Variants in NRXN3 observed in about 807,000 individuals in gnomAD.
The protein encoded by NRXN3 is neurexin III.
In NRXN3, 32 loss-of-function variants were observed where a neutral mutation model predicts 137.6. The ratio of observed to expected loss-of-function variants is 0.23; its 90% CI spans 0.18 to 0.31. NRXN3 has a LOEUF of 0.31. Ranked by LOEUF, NRXN3 falls within the 10% of genes least tolerant of loss-of-function variation. The probability of loss-of-function intolerance (pLI) is 1.00; values close to 1 mark genes in which losing one functional copy is unlikely to be tolerated. For synonymous variants in NRXN3, 798 were observed against 784.5 expected, an observed-to-expected ratio of 1.02 and a Z score of -0.29; for missense variants, 1,574 against 2,062.5, an observed-to-expected ratio of 0.76 and a Z score of 4.59.
intron 10 of NRXN3, among the ~76,000 whole-genome samples, chr14:78,870,780 T>A (rs975914789): frequency 2.6e-5 from 4 of 152,002 alleles, no homozygotes; most frequent in Admixed American, 1.3e-4. Context: ...ATTGAGAGTA[T>A]GCAATATTTG....
chr14:79,808,487 T>C (rs1054110806), intron 20 of NRXN3, among the ~76,000 whole-genome samples: 1 of 152,038 alleles, frequency 6.6e-6, no homozygotes, highest in African/African-American at 2.4e-5. Flanking sequence ...AATTCTGGTT[T>C]TGAACACCCT....
chr14:78,409,701 C>A (rs531515973), intron 4 of NRXN3, among the ~76,000 whole-genome samples: 1 of 152,308 alleles, frequency 6.6e-6, no homozygotes, highest in African/African-American at 2.4e-5. Context: ...AATGCAATGG[C>A]AGGCACACAC....
At chr14:79,159,964 C>T (rs918045199) in intron 15 of NRXN3, among the ~76,000 whole-genome samples, 2 of 151,946 alleles carry the variant, frequency 1.3e-5, no homozygotes, top group Middle Eastern at 3.4e-3. Context: ...TGCTAAATCT[C>T]AATGGAAATT....
At position 78,955,165 on chromosome 14, in the gene NRXN3, C is replaced by G. The variant is rs546702033; in HGVS notation, c.2276-2077C>G. ...AGCTAATATTCTCCACGTCTTTCTT[C>G]ACTTTTTTCTTTCTTATTGAAGCAT... On this transcript the variant is annotated intron_variant, in intron 10 of 20. Coordinates refer to ENST00000335750, the MANE Select transcript of NRXN3 (RefSeq NM_001330195.2). Among the ~76,000 whole-genome samples, 56 of 152,284 alleles carry G rather than the reference C, an allele frequency of 3.7e-4. 2 individuals carry two copies. In the South Asian group the frequency reaches 0.011, roughly 29 times the overall value.
intron 19 of NRXN3, among the ~76,000 whole-genome samples, chr14:79,698,861 A>G (rs1209734045): frequency 6.6e-6 from 1 of 152,040 alleles, no homozygotes; most frequent in Non-Finnish European, 1.5e-5. Context: ...TGTGTCTTTA[A>G]CATCACCTTT....
intron 15 of NRXN3, among the ~76,000 whole-genome samples, chr14:79,241,207 T>A (rs1333631938): frequency 6.6e-6 from 1 of 152,108 alleles, no homozygotes; most frequent in Non-Finnish European, 1.5e-5. Context: ...CTAGGAAAGA[T>A]CAAGAAAGAC....
chr14:78,523,508 A>G (rs555968300), intron 4 of NRXN3, among the ~76,000 whole-genome samples: 1 of 152,210 alleles, frequency 6.6e-6, no homozygotes, highest in South Asian at 2.1e-4. Flanking sequence ...AAAGAATACA[A>G]GAGAGTGTAG....
At chr14:78,849,152 T>C (rs1285040940) in intron 10 of NRXN3, among the ~76,000 whole-genome samples, 1 of 152,176 alleles carries the variant, frequency 6.6e-6, no homozygotes, top group Non-Finnish European at 1.5e-5. Context: ...GGAGTGGGTC[T>C]GTATTCAAAT....
At chr14:79,305,625 G>GT (rs563520155) in intron 15 of NRXN3, among the ~76,000 whole-genome samples, 5 of 152,070 alleles carry the variant, frequency 3.3e-5, no homozygotes, top group African/African-American at 9.7e-5. Flanking sequence ...CCGGGGATTA[G>GT]TTTTTTTCCT....
chr14:78,682,606 A>G (rs925198338), intron 6 of NRXN3, among the ~76,000 whole-genome samples: 1 of 151,682 alleles, frequency 6.6e-6, no homozygotes, highest in African/African-American at 2.4e-5. Context: ...CATTTACTAT[A>G]TGCTAAACAG....
chr14:79,573,498 G>T (rs185601738), intron 16 of NRXN3, among the ~76,000 whole-genome samples: 6 of 152,114 alleles, frequency 3.9e-5, no homozygotes, highest in African/African-American at 1.4e-4. Flanking sequence ...CTGTCAATTT[G>T]TGGAAGTTAG....
intron 6 of NRXN3, chr14:78,697,744 A>G (rs956596708): frequency 6.6e-6 from 1 of 152,028 alleles, no homozygotes; most frequent in East Asian, 1.9e-4. Flanking sequence ...TAATTCGAGT[A>G]CCAGCATTTC....
At chr14:79,086,026 A>G (rs1472935666) in intron 15 of NRXN3, among the ~76,000 whole-genome samples, 1 of 152,206 alleles carries the variant, frequency 6.6e-6, no homozygotes, top group East Asian at 1.9e-4. Flanking sequence ...GAACAGGTGC[A>G]AAAGCTGCAG....
chr14:78,564,025 A>AG (rs1459008172), intron 4 of NRXN3, among the ~76,000 whole-genome samples: 4 of 152,210 alleles, frequency 2.6e-5, no homozygotes, highest in Admixed American at 1.3e-4. Flanking sequence ...TATCTCCTGT[A>AG]GCACATTTCA....
chr14:78,804,713 C>A (rs997231459), intron 9 of NRXN3, among the ~76,000 whole-genome samples: 3 of 152,042 alleles, frequency 2.0e-5, no homozygotes, highest in Non-Finnish European at 2.9e-5. Context: ...TGCTATTGAC[C>A]TTTACTGAAT....
At chr14:79,185,697 C>T (rs543105556) in intron 15 of NRXN3, among the ~76,000 whole-genome samples, 109 of 152,208 alleles carry the variant, frequency 7.2e-4, no homozygotes, top group Middle Eastern at 3.4e-3. Context: ...GATCTCCTGA[C>T]CTCGTGATCC....
At chr14:79,194,234 C>T (rs1418182413) in intron 15 of NRXN3, among the ~76,000 whole-genome samples, 1 of 152,282 alleles carries the variant, frequency 6.6e-6, no homozygotes, top group Middle Eastern at 3.4e-3. Flanking sequence ...TCAGTGATTG[C>T]TCAGGTTATT....
chr14:79,653,281 G>A (rs535399506), intron 16 of NRXN3, among the ~76,000 whole-genome samples: 24 of 152,210 alleles, frequency 1.6e-4, no homozygotes, highest in African/African-American at 5.3e-4. Flanking sequence ...GAGCCCTGGA[G>A]ACTGAGATAT....
chr14:79,657,658 A>G (rs1013928083), intron 16 of NRXN3, among the ~76,000 whole-genome samples: 6 of 152,190 alleles, frequency 3.9e-5, no homozygotes, highest in Non-Finnish European at 8.8e-5. Flanking sequence ...ATAGCCACAA[A>G]AAGAGCGCAA....
Sources: allele counts gnomAD v4.1 joint callset (sites outside exome capture counted in the v4.1 genomes callset), GRCh38; gene constraint gnomAD v4.1.1; transcripts MANE v1.5; gene names NCBI Gene and HGNC (gene_info 2026-07-23, HGNC 2026-07-21).